The following FBXO11 variants were observed in gnomAD, a reference collection of about 807,000 sequenced individuals.
FBXO11 encodes the protein F-box protein 11.
FBXO11 carries 13 observed loss-of-function variants against 117.0 expected under a neutral mutation model. The observed-to-expected ratio is 0.11, with a 90% confidence interval of 0.07 to 0.18. The LOEUF (loss-of-function observed/expected upper bound fraction) is 0.18, where lower values mean the gene tolerates loss of function less well. FBXO11 is among the 10% of genes least tolerant of loss of function. FBXO11 has a pLI of 1.00. For missense variants in FBXO11, 767 were observed against 1,164.4 expected (o/e 0.66, Z 4.97); for synonymous variants, 490 against 380.5 (o/e 1.29, Z -3.35).
Position 47,813,310 on chromosome 2 carries a change from A to G in FBXO11, c.2151T>C (p.Asp717=), listed in dbSNP as rs751793422. The G allele has an allele frequency of 3.1e-6, 5 of 1,610,958 alleles. No individual in the cohort carries two copies. The highest frequency in any genetic ancestry group is 1.7e-5 in the Admixed American group (1 of 59,892). ...TATTTCTTCTTAGTGTAGGATTACT[A>G]TCTGTCTTAATCCAGACTCCAGCCA... is the stretch of plus-strand genomic sequence containing the variant. ...NAMAGVWIKT[D]SNPTLRRNKI... is the part of the protein sequence containing the mutation. Residue 717 remains aspartate, a synonymous_variant, in exon 18 of 23, where the codon GAT becomes GAC. Transcript: ENST00000403359.
chr2:47,836,275 G>A (rs999282675), intron 4 of FBXO11, among the ~76,000 whole-genome samples: 3 of 152,192 alleles, frequency 2.0e-5, no homozygotes, highest in South Asian at 4.2e-4. Flanking sequence ...ATGGGCATGT[G>A]TCACCACGCA....
chr2:47,905,337 C>T, intron 1 of FBXO11, 152 bp downstream of exon 1: 9 of 796,086 alleles, frequency 1.1e-5, no homozygotes, highest in Non-Finnish European at 1.5e-5. Flanking sequence ...CGGGCTGACA[C>T]TGCGGCACCG....
intron 5 of FBXO11, 56 bp from the exon 6 acceptor site, chr2:47,834,927 AAATTAATGTAC>A: frequency 8.2e-7 from 1 of 1,221,226 alleles, no homozygotes; most frequent in South Asian, 1.3e-5. Context: ...CCTTATATTT[AAATTAATGTAC>A]AATTGCATGA....
intron 18 of FBXO11, 56 bp from the exon 19 acceptor site, chr2:47,810,482 T>A: frequency 9.4e-7 from 1 of 1,061,752 alleles, no homozygotes; most frequent in Non-Finnish European, 1.4e-6. Context: ...ACTACTAACC[T>A]TTTTGGTGGT....
At chr2:47,893,267 C>T (rs1346444798) in intron 1 of FBXO11, among the ~76,000 whole-genome samples, 1 of 152,104 alleles carries the variant, frequency 6.6e-6, no homozygotes, top group African/African-American at 2.4e-5. Flanking sequence ...TTTTAACATA[C>T]TCTGCTGGTC....
intron 16 of FBXO11, chr2:47,814,433 CAGTGGCATGATCAT>C (rs1391169347): frequency 7.6e-6 from 1 of 130,898 alleles, no homozygotes; most frequent in Non-Finnish European, 1.6e-5. Flanking sequence ...GCTGGAGTTG[CAGTGGCATGATCAT>C]AGCTCACTGC....
At chr2:47,847,077 C>G (rs970097525) in intron 1 of FBXO11, among the ~76,000 whole-genome samples, 3 of 152,076 alleles carry the variant, frequency 2.0e-5, no homozygotes, top group African/African-American at 7.2e-5. Context: ...AACCCTATCT[C>G]TACTAAAAAT....
chr2:47,871,779 T>A (rs1416490625), intron 1 of FBXO11, among the ~76,000 whole-genome samples: 1 of 152,200 alleles, frequency 6.6e-6, no homozygotes, highest in Non-Finnish European at 1.5e-5. Context: ...ATGATGTCCC[T>A]TCAATGCACA....
chr2:47,874,423 T>C (rs1675846557), intron 1 of FBXO11, among the ~76,000 whole-genome samples: 2 of 152,120 alleles, frequency 1.3e-5, no homozygotes, highest in Middle Eastern at 3.4e-3. Context: ...TTACAAATAA[T>C]TTACAGAGAC....
rs1216196335 is a variant in FBXO11, at chr2:47,807,993, C to T, written c.*125G>A. ...GCTTGAGCTTCATAGTGTCAACTGACCTTGTGTATCCATTTTTAATACAGT... is the reference window on the plus strand; with the variant it reads ...GCTTGAGCTTCATAGTGTCAACTGATCTTGTGTATCCATTTTTAATACAGT... On this transcript the variant is annotated 3_prime_UTR_variant, in exon 23 of 23. Transcript: ENST00000403359. The T allele has an allele frequency of 9.5e-6, 8 of 846,438 alleles. No individual in the cohort carries two copies. The highest frequency in any genetic ancestry group is 1.5e-5 in the Non-Finnish European group (8 of 542,894). The allele number at this position is 846,438 out of a possible 1,614,324, so 52.4% of individuals were successfully genotyped here.
At chr2:47,889,748 G>T (rs894435852) in intron 1 of FBXO11, among the ~76,000 whole-genome samples, 2 of 151,528 alleles carry the variant, frequency 1.3e-5, no homozygotes, top group African/African-American at 4.9e-5. Context: ...TTTACGAAAA[G>T]AAAATATTCC....
At chr2:47,845,336 C>G (rs1001274827) in intron 1 of FBXO11, among the ~76,000 whole-genome samples, 4 of 152,204 alleles carry the variant, frequency 2.6e-5, no homozygotes, top group Non-Finnish European at 5.9e-5. Context: ...GAAATCTCAA[C>G]TTCCCACTTG....
At position 47,827,772 on chromosome 2, in the gene FBXO11, T is replaced by C. The variant is rs910169838; in HGVS notation, c.1399-4412A>G. Among the ~76,000 whole-genome samples the C allele has an allele frequency of 5.9e-5, 9 of 151,624 alleles. No homozygotes were observed. The South Asian group carries it at 6.3e-4, about 11-fold the overall frequency. On this transcript the variant is annotated intron_variant, in intron 11 of 22. Coordinates refer to ENST00000403359, the MANE Select transcript of FBXO11 (RefSeq NM_001190274.2). ...AGCGCAGTGGTATGATCTTGGTTCA[T>C]TGCAACCTCCAAATCCCAGGTTCAA...
chr2:47,810,116 C>G, intron 19 of FBXO11, 200 bp downstream of exon 19: 1 of 525,292 alleles, frequency 1.9e-6, no homozygotes, highest in Non-Finnish European at 3.3e-6. Context: ...GCAATAAGAG[C>G]AATATTTCTT....
chr2:47,851,410 G>C (rs917542430), intron 1 of FBXO11, among the ~76,000 whole-genome samples: 9 of 152,006 alleles, frequency 5.9e-5, no homozygotes, highest in Admixed American at 4.6e-4. Flanking sequence ...TTTGTATTTA[G>C]TAGAGATGGG....
At chr2:47,892,713 A>T (rs747906243) in intron 1 of FBXO11, among the ~76,000 whole-genome samples, 29 of 152,202 alleles carry the variant, frequency 1.9e-4, no homozygotes, top group Non-Finnish European at 3.7e-4. Flanking sequence ...ATTTAATTTA[A>T]ACCTGTCCTC....
intron 1 of FBXO11, among the ~76,000 whole-genome samples, chr2:47,844,162 T>A (rs188483315): frequency 2.1e-3 from 324 of 152,362 alleles, no homozygotes; most frequent in Non-Finnish European, 2.9e-3. Context: ...ATTTTTAATT[T>A]CTAAAAGTTA....
chr2:47,880,341 C>A (rs1030908395), intron 1 of FBXO11, among the ~76,000 whole-genome samples: 16 of 152,070 alleles, frequency 1.1e-4, no homozygotes, highest in African/African-American at 3.6e-4. Flanking sequence ...AAGGTCTTCC[C>A]CATACTAAAA....
At chr2:47,862,681 C>G (rs1674868738) in intron 1 of FBXO11, among the ~76,000 whole-genome samples, 1 of 152,138 alleles carries the variant, frequency 6.6e-6, no homozygotes. Context: ...GCAGTGATCA[C>G]CACAGTACAA....
Sources: allele counts gnomAD v4.1 joint callset (sites outside exome capture counted in the v4.1 genomes callset), GRCh38; gene constraint gnomAD v4.1.1; transcripts MANE v1.5; gene names NCBI Gene and HGNC (gene_info 2026-07-23, HGNC 2026-07-21).